CPPED1: variants seen among roughly 807,000 people sequenced by gnomAD.
CPPED1 encodes serine/threonine-protein phosphatase CPPED1.
A neutral mutation model predicts 28.0 loss-of-function variants in CPPED1; 28 were observed. The observed-to-expected ratio is 1.00, with a 90% CI of 0.74 to 1.37. The LOEUF is 1.37. Among genes scored for constraint, CPPED1 ranks in the 40% most tolerant of loss-of-function variants. CPPED1 has a pLI of 0.00. For missense variants in CPPED1, 504 were observed against 416.5 expected (o/e 1.21, Z -1.83); for synonymous variants, 198 against 180.2 (o/e 1.10, Z -0.79).
intron 2 of CPPED1, among the ~76,000 whole-genome samples, chr16:12,751,760 C>T (rs1291956435): frequency 6.6e-6 from 1 of 152,190 alleles, no homozygotes; most frequent in Non-Finnish European, 1.5e-5. Context: ...TGTTTTACTT[C>T]TGAAGCTGGC....
intron 1 of CPPED1, among the ~76,000 whole-genome samples, chr16:12,784,579 T>C (rs369484613): frequency 2.0e-5 from 3 of 151,804 alleles, no homozygotes; most frequent in East Asian, 1.9e-4. Context: ...ACTGAGACTC[T>C]GCTTTGTGTC....
At chr16:12,693,156 G>C (rs2079972167) in intron 3 of CPPED1, among the ~76,000 whole-genome samples, 1 of 152,162 alleles carries the variant, frequency 6.6e-6, no homozygotes, top group South Asian at 2.1e-4. Flanking sequence ...TTAAGGTCCT[G>C]ATAGAGGGGC....
intron 2 of CPPED1, among the ~76,000 whole-genome samples, chr16:12,730,672 C>T (rs190299405): frequency 3.1e-4 from 47 of 152,280 alleles, no homozygotes; most frequent in Admixed American, 5.9e-4. Context: ...TCACATACAG[C>T]GAAAGAAGCC....
intron 3 of CPPED1, among the ~76,000 whole-genome samples, chr16:12,702,987 G>C (rs932815682): frequency 6.6e-6 from 1 of 150,444 alleles, no homozygotes; most frequent in Non-Finnish European, 1.5e-5. Context: ...ACTCCAGCCT[G>C]GGTGACAAGA....
At chr16:12,756,442 TC>T (rs66636520) in intron 2 of CPPED1, among the ~76,000 whole-genome samples, 1,929 of 152,222 alleles carry the variant, frequency 0.013, 38 homozygotes, top group African/African-American at 0.044. Flanking sequence ...TGTCTGTAAT[TC>T]CAGCATTCTG....
At chr16:12,679,755 T>C (rs977157202) in intron 3 of CPPED1, among the ~76,000 whole-genome samples, 1 of 152,208 alleles carries the variant, frequency 6.6e-6, no homozygotes, top group Non-Finnish European at 1.5e-5. Context: ...CATGGCACTT[T>C]GACACGCTAA....
chr16:12,791,619 T>C (rs1459640725), intron 1 of CPPED1, among the ~76,000 whole-genome samples: 9 of 152,182 alleles, frequency 5.9e-5, no homozygotes, highest in Admixed American at 3.3e-4. Flanking sequence ...CAGGTATTCA[T>C]GGTTCCCACC....
At chr16:12,674,449 C>T (rs1043236127) in intron 3 of CPPED1, among the ~76,000 whole-genome samples, 1 of 152,150 alleles carries the variant, frequency 6.6e-6, no homozygotes, top group Non-Finnish European at 1.5e-5. Flanking sequence ...GTGGGGGTTT[C>T]TGAGTCTATT....
At chr16:12,740,252 C>G (rs2080247993) in intron 2 of CPPED1, among the ~76,000 whole-genome samples, 1 of 151,900 alleles carries the variant, frequency 6.6e-6, no homozygotes, top group Non-Finnish European at 1.5e-5. Flanking sequence ...TCAACACCAG[C>G]CTGGCCAACA....
chr16:12,718,089 A>G (rs2080116902), intron 2 of CPPED1, among the ~76,000 whole-genome samples: 1 of 152,254 alleles, frequency 6.6e-6, no homozygotes, highest in South Asian at 2.1e-4. Context: ...AGATACAGCA[A>G]GAACTCTGTC....
intron 1 of CPPED1, among the ~76,000 whole-genome samples, chr16:12,801,134 T>A (rs12598854): frequency 1.3e-5 from 2 of 152,010 alleles, no homozygotes; most frequent in African/African-American, 4.8e-5. Context: ...TGCTCTGTTG[T>A]CCAGGGTGGA....
At chr16:12,789,936 T>C (rs1477506377) in intron 1 of CPPED1, among the ~76,000 whole-genome samples, 1 of 152,202 alleles carries the variant, frequency 6.6e-6, no homozygotes, top group Non-Finnish European at 1.5e-5. Context: ...AATAACAAGA[T>C]CTGGCCACTT....
chr16:12,734,032 T>G (rs2141206978), intron 2 of CPPED1, among the ~76,000 whole-genome samples: 1 of 151,920 alleles, frequency 6.6e-6, no homozygotes, highest in Admixed American at 6.6e-5. Flanking sequence ...CAATAATTTG[T>G]CTTTGTCTCT....
At chr16:12,755,893 G>A (rs1478071566) in intron 2 of CPPED1, among the ~76,000 whole-genome samples, 3 of 152,176 alleles carry the variant, frequency 2.0e-5, no homozygotes, top group Non-Finnish European at 4.4e-5. Context: ...AGCACTTTGG[G>A]AGGTCAAGGC....
intron 2 of CPPED1, among the ~76,000 whole-genome samples, chr16:12,724,848 G>A (rs533017661): frequency 2.6e-5 from 4 of 152,136 alleles, no homozygotes; most frequent in South Asian, 4.2e-4. Flanking sequence ...GTGCAGTGGC[G>A]TGATCTCGGC....
At chr16:12,798,201 T>C (rs189264100) in intron 1 of CPPED1, among the ~76,000 whole-genome samples, 5 of 152,356 alleles carry the variant, frequency 3.3e-5, no homozygotes, top group African/African-American at 1.2e-4. Context: ...TTTACATATG[T>C]GTGCTGGTCA....
chr16:12,664,874 C>G lies in CPPED1; in HGVS notation c.*12G>C. 1.2e-6 allele frequency: 2 copies of G among 1,607,616 alleles called. No homozygotes were observed. The highest frequency in any genetic ancestry group is 1.7e-5 in the Admixed American group (1 of 58,268). ...AGTGCAAGTGAAAAGTGAACGGGAACGGGAAGGAGCGTCATTTTTTCTTGA... is the reference window on the plus strand; with the variant it reads ...AGTGCAAGTGAAAAGTGAACGGGAAGGGGAAGGAGCGTCATTTTTTCTTGA... On this transcript the variant is annotated 3_prime_UTR_variant, in exon 4 of 4. Transcript: ENST00000381774. This position sits in a 1 kb window ranked among gnomAD's most constrained non-coding sequence, Gnocchi z 4.2.
At chr16:12,799,279 C>CTCTG (rs1491517916) in intron 1 of CPPED1, among the ~76,000 whole-genome samples, 1 of 146,222 alleles carries the variant, frequency 6.8e-6, no homozygotes, top group Non-Finnish European at 1.5e-5. Context: ...ACAGTCATCA[C>CTCTG]TCTGTCTCCT....
intron 2 of CPPED1, among the ~76,000 whole-genome samples, chr16:12,751,607 C>A (rs1596471327): frequency 6.6e-6 from 1 of 152,128 alleles, no homozygotes; most frequent in African/African-American, 2.4e-5. Flanking sequence ...GTCCCGGGTC[C>A]CAGGAACCCA....
Sources: allele counts gnomAD v4.1 joint callset (sites outside exome capture counted in the v4.1 genomes callset), GRCh38; gene constraint gnomAD v4.1.1; non-coding constraint Gnocchi (gnomAD v3.1); transcripts MANE v1.5; gene names NCBI Gene and HGNC (gene_info 2026-07-23, HGNC 2026-07-21).